FKBP15: variants seen among roughly 807,000 people sequenced by gnomAD.
FKBP15 encodes FK506-binding protein 15.
Under a neutral mutation model 158.1 loss-of-function variants are expected in FKBP15, and 106 were observed. That is an observed-to-expected ratio of 0.67 (90% CI 0.57 to 0.79). The LOEUF is 0.79. Ranked by LOEUF, FKBP15 falls within the 30% of genes least tolerant of loss-of-function variation. The pLI, the probability that FKBP15 is intolerant of heterozygous loss-of-function variation, is 0.00. For missense variants in FKBP15, 1,287 were observed against 1,479.1 expected, an observed-to-expected ratio of 0.87 and a Z score of 2.13; for synonymous variants, 547 against 548.6, an observed-to-expected ratio of 1.00 and a Z score of 0.04.
intron 1 of FKBP15, 92 bp downstream of exon 1, chr9:113,221,099 G>T: frequency 7.3e-7 from 1 of 1,377,922 alleles, no homozygotes; most frequent in Non-Finnish European, 9.8e-7. Flanking sequence ...CCCGGAAGTT[G>T]GGAAAAGGCC....
chr9:113,173,359 T>C, intron 23 of FKBP15, 94 bp downstream of exon 23: 1 of 1,334,540 alleles, frequency 7.5e-7, no homozygotes. Flanking sequence ...TATTAATAAC[T>C]TTCAGGCTTA....
rs1830091721 is a variant in FKBP15 at position 113,165,942 on chromosome 9, C to G, written c.*136G>C. On this transcript the variant is annotated 3_prime_UTR_variant, in exon 28 of 28. Coordinates refer to ENST00000238256, the MANE Select transcript of FKBP15 (RefSeq NM_015258.2). ...GGGGCTCAGAAGGTGGCCAACCCAC[C>G]CTCTGAGCCCAAATATTGTTCCCAG... The G allele has an allele frequency of 1.4e-6, 1 of 736,988 alleles. No homozygotes were observed. The highest frequency in any genetic ancestry group is 1.9e-5 in the South Asian group (1 of 53,148). The allele number at this position is 736,988 out of a possible 1,614,324, so 45.7% of individuals were successfully genotyped here.
In FKBP15 at chr9:113,163,198, C is replaced by G; in HGVS notation, c.*2880G>C. 1 of 262,414 alleles carries G rather than the reference C, an allele frequency of 3.8e-6. No individual in the cohort carries two copies. The highest frequency in any genetic ancestry group is 7.2e-6 in the Non-Finnish European group (1 of 139,346). The allele number at this position is 262,414 out of a possible 1,614,324, so 16.3% of individuals were successfully genotyped here. On this transcript the variant is annotated 3_prime_UTR_variant, in exon 28 of 28. Coordinates refer to ENST00000238256, the MANE Select transcript of FKBP15 (RefSeq NM_015258.2). ...GGAGATAACAGGGGTGGCAGGGTTA[C>G]TGAGCCCATGACAATGCTTCTCTGT...
rs184237891 is a variant in FKBP15, at chr9:113,183,724, C to T, written c.1811+27G>A. On this transcript the variant is annotated intron_variant, in intron 18 of 27. Transcript: ENST00000238256. The stretch of plus-strand genomic sequence containing the variant: ...TACATAATAAACCCTTTTGTCCATC[C>T]TAGCCAGGCCCCGTACCTGTCATTA... 173 of 1,518,604 alleles carry T rather than the reference C, an allele frequency of 1.1e-4. 2 individuals are homozygous for T. The East Asian group carries it at 2.2e-3, about 19-fold the overall frequency. 94.1% of individuals were successfully genotyped at this position (1,518,604 alleles called of 1,614,324 possible).
At chr9:113,209,691 C>G (rs4480181) in intron 2 of FKBP15, among the ~76,000 whole-genome samples, 20,725 of 152,198 alleles carry the variant, frequency 0.14, 1,859 homozygotes, top group Non-Finnish European at 0.19. Flanking sequence ...TTTTAGCCAG[C>G]ATGATAAGGA....
At chr9:113,207,416 T>G (rs1201304907) in intron 2 of FKBP15, 120 bp from the exon 3 acceptor site, 20 of 663,724 alleles carry the variant, frequency 3.0e-5, no homozygotes. Flanking sequence ...CTCGGTTCAC[T>G]GCAACCTCCA....
chr9:113,168,413 C>T (rs1456530011), intron 27 of FKBP15, 47 bp downstream of exon 27: 4 of 1,514,676 alleles, frequency 2.6e-6, no homozygotes, highest in African/African-American at 1.4e-5. Context: ...AGGGAAGAGC[C>T]CCCAGGTGGG....
Position 113,182,759 on chromosome 9 carries a change from G to C in FKBP15, c.1914+7C>G. The C allele has an allele frequency of 6.2e-7, 1 of 1,612,066 alleles. No homozygotes were observed. The highest frequency in any genetic ancestry group is 1.3e-5 in the African/African-American group (1 of 74,960). ...GACCTGGGCTTTTCTCTCCCCAGTT[G>C]CTTTACCTTCTCTTGTTCAGCATGC... On this transcript the variant is annotated splice_region_variant and intron_variant, in intron 19 of 27. Transcript: ENST00000238256.
At chr9:113,209,278 T>C (rs1036532756) in intron 2 of FKBP15, among the ~76,000 whole-genome samples, 3 of 152,178 alleles carry the variant, frequency 2.0e-5, no homozygotes, top group Non-Finnish European at 4.4e-5. Flanking sequence ...CAAGACTCTG[T>C]TTCTAAAATT....
rs1230590378 is a variant in FKBP15 at position 113,184,431 on chromosome 9, G to C, written c.1609-32C>G. The stretch of plus-strand genomic sequence containing the variant: ...AAGGGATACCAGAAAGACCTTGTGA[G>C]AAATTATAAAATGAAGAAATACAAT... On this transcript the variant is annotated intron_variant, in intron 16 of 27. Transcript: ENST00000238256. This position sits in a 1 kb window ranked among gnomAD's most constrained non-coding sequence, Gnocchi z 4.5. 2 of 1,482,424 alleles carry C rather than the reference G, an allele frequency of 1.3e-6. No individual in the cohort carries two copies. Among genetic ancestry groups the C allele is most frequent in the Admixed American group, 3.8e-5 (2 of 52,398 alleles). The allele number at this position is 1,482,424 out of a possible 1,614,324, so 91.8% of individuals were successfully genotyped here. A position where few individuals can be genotyped will look rare whatever the true frequency, so the allele number is the denominator to read the frequency against.
chr9:113,212,458 G>T (rs2118952652), intron 1 of FKBP15, among the ~76,000 whole-genome samples: 1 of 152,200 alleles, frequency 6.6e-6, no homozygotes, highest in East Asian at 1.9e-4. Flanking sequence ...CAAAGTGCTG[G>T]GATTACAGGT....
At chr9:113,168,229 A>G (rs1305861777) in intron 27 of FKBP15, among the ~76,000 whole-genome samples, 11 of 151,816 alleles carry the variant, frequency 7.2e-5, no homozygotes. Context: ...TAATTCCTGC[A>G]TGGACAGAGA....
At position 113,176,593 on chromosome 9, in the gene FKBP15, T is replaced by C; in HGVS notation, c.2167A>G (p.Thr723Ala). 6.3e-7 allele frequency: 1 copy of C among 1,581,702 alleles called. No individual in the cohort carries two copies. Among genetic ancestry groups the C allele is most frequent in the Non-Finnish European group, 8.6e-7 (1 of 1,161,118 alleles). Residue 723 changes from threonine to alanine, a missense_variant, in exon 21 of 28, where the codon ACA becomes GCA. Transcript: ENST00000238256. Reference protein sequence around the residue: ...QNRKQLELKVTSLEEELTDLR... With the variant: ...QNRKQLELKVASLEEELTDLR... ...TCAGTCAGTTCCTCCTCCAGGGATG[T>C]CACCTTGAGTTCCAGTTGTTTCCGG...
At chr9:113,192,738 T>C (rs563962616) in intron 11 of FKBP15, among the ~76,000 whole-genome samples, 3 of 152,360 alleles carry the variant, frequency 2.0e-5, no homozygotes, top group Admixed American at 2.0e-4. Context: ...GGCATTATTT[T>C]ATTTACAAGT....
At chr9:113,178,481 T>A (rs1336263535) in intron 20 of FKBP15, 149 bp downstream of exon 20, 2 of 704,066 alleles carry the variant, frequency 2.8e-6, no homozygotes, top group Non-Finnish European at 4.6e-6. Context: ...AAAACAATCA[T>A]GTAGGTTTTA....
rs1830036457 is a variant in FKBP15, at chr9:113,162,821, G to A, written c.*3257C>T. ...TGGTCATCGGCTACTTCATCATGCT[G>A]GCCGTAATGTCCTACAACACCTGGA... On this transcript the variant is annotated 3_prime_UTR_variant, in exon 28 of 28. Coordinates refer to ENST00000238256, the MANE Select transcript of FKBP15 (RefSeq NM_015258.2). 6.2e-7 allele frequency: 1 copy of A among 1,613,616 alleles called. No individual in the cohort carries two copies. The highest frequency in any genetic ancestry group is 1.3e-5 in the African/African-American group (1 of 74,862).
In FKBP15 at chr9:113,165,936, A is replaced by G. The variant is rs1830091640; in HGVS notation, c.*142T>C. ...GGGGGTGGGGCTCAGAAGGTGGCCA[A>G]CCCACCCTCTGAGCCCAAATATTGT... On this transcript the variant is annotated 3_prime_UTR_variant, in exon 28 of 28. Coordinates refer to ENST00000238256, the MANE Select transcript of FKBP15 (RefSeq NM_015258.2). The G allele has an allele frequency of 7.3e-6, 5 of 686,366 alleles. No homozygotes were observed. Among genetic ancestry groups the G allele is most frequent in the Non-Finnish European group, 1.2e-5 (5 of 416,936 alleles). 42.5% of individuals were successfully genotyped at this position (686,366 alleles called of 1,614,324 possible).
intron 13 of FKBP15, 57 bp downstream of exon 13, chr9:113,188,332 C>T (rs1020736960): frequency 1.7e-5 from 22 of 1,302,086 alleles, no homozygotes; most frequent in African/African-American, 5.8e-5. Context: ...GGAACAGTGA[C>T]GATAATTTTC....
intron 9 of FKBP15, 101 bp from the exon 10 acceptor site, chr9:113,194,270 G>A (rs1433925602): frequency 1.6e-5 from 15 of 942,450 alleles, no homozygotes; most frequent in African/African-American, 6.6e-5. Flanking sequence ...CTGTTGTCGG[G>A]TGGGGGTAGA....
Sources: gnomAD v4.1 joint callset for allele counts (sites outside exome capture counted in the v4.1 genomes callset) on GRCh38, gnomAD v4.1.1 for gene constraint, Gnocchi (gnomAD v3.1) non-coding constraint, MANE v1.5 for transcripts, NCBI Gene and HGNC (gene_info 2026-07-23, HGNC 2026-07-21) for gene names.